Variants in GPC5 observed in about 807,000 individuals in gnomAD.
GPC5 encodes the protein glypican-5.
GPC5 carries 47 observed loss-of-function variants against 53.9 expected under a neutral mutation model. The observed-to-expected ratio is 0.87, with a 90% CI of 0.69 to 1.11. The LOEUF (loss-of-function observed/expected upper bound fraction) is 1.11. GPC5 is among the 50% of genes most tolerant of loss of function. The pLI, the probability that GPC5 is intolerant of heterozygous loss-of-function variation, is 0.00. For synonymous variants in GPC5, 286 were observed against 263.3 expected (o/e 1.09, Z -0.84); for missense variants, 748 against 713.1 (o/e 1.05, Z -0.56).
chr13:92,057,021 G>A (rs2041080303), intron 6 of GPC5, among the ~76,000 whole-genome samples: 1 of 152,162 alleles, frequency 6.6e-6, no homozygotes, highest in Non-Finnish European at 1.5e-5. Context: ...TCTTTCCCAT[G>A]CCTCTCATTG....
At chr13:92,344,387 T>A (rs1222626858) in intron 7 of GPC5, among the ~76,000 whole-genome samples, 1 of 152,058 alleles carries the variant, frequency 6.6e-6, no homozygotes, top group East Asian at 1.9e-4. Flanking sequence ...GAACTGCAAG[T>A]CAAGATGAGA....
chr13:92,041,586 C>T (rs1237483105), intron 6 of GPC5, among the ~76,000 whole-genome samples: 8 of 152,128 alleles, frequency 5.3e-5, no homozygotes. Flanking sequence ...ACTGCCTGCC[C>T]CCCTAAAGCT....
chr13:91,556,262 T>C (rs2030941853), intron 2 of GPC5, among the ~76,000 whole-genome samples: 1 of 152,054 alleles, frequency 6.6e-6, no homozygotes. Context: ...AGTTTATTCA[T>C]TTCTATTGTT....
Position 91,527,716 on chromosome 13 carries a change from C to G in GPC5, c.325+78794C>G, listed in dbSNP as rs184114296. Among the ~76,000 whole-genome samples the G allele has an allele frequency of 1.7e-3, 265 of 152,380 alleles. 1 individual carries two copies. The highest frequency in any genetic ancestry group is 1.0e-3 in the Non-Finnish European group (68 of 68,040). On this transcript the variant is annotated intron_variant, in intron 2 of 7. Coordinates refer to ENST00000377067, the MANE Select transcript of GPC5 (RefSeq NM_004466.6). Reference sequence around the variant, plus strand: ...AGGGCTCTGCCCCTGCAGCAGACTTCTGTCTGGACATCCAGGCATTTCCAT... The same window carrying G: ...AGGGCTCTGCCCCTGCAGCAGACTTGTGTCTGGACATCCAGGCATTTCCAT...
rs1013536525 is a variant in GPC5 at position 92,008,114 on chromosome 13, G to C, written c.1401+100057G>C. On this transcript the variant is annotated intron_variant, in intron 6 of 7. Coordinates refer to ENST00000377067, the MANE Select transcript of GPC5 (RefSeq NM_004466.6). Reference sequence around the variant, plus strand: ...GTCTCGCTCTGTCGCCCAGGCTGGAGTGCAGTGGCGCAATCTCGGCTCACT... The same window carrying C: ...GTCTCGCTCTGTCGCCCAGGCTGGACTGCAGTGGCGCAATCTCGGCTCACT... Among the ~76,000 whole-genome samples, 4 of 147,188 alleles carry C rather than the reference G, an allele frequency of 2.7e-5. No individual in the cohort carries two copies. The South Asian group carries it at 6.4e-4, about 24-fold the overall frequency.
chr13:92,818,753 G>A (rs552635999), intron 7 of GPC5, among the ~76,000 whole-genome samples: 3 of 152,022 alleles, frequency 2.0e-5, no homozygotes, highest in African/African-American at 7.3e-5. Context: ...GGTATTTGAT[G>A]AATAATAGAG....
At chr13:92,026,827 A>G (rs964195486) in intron 6 of GPC5, among the ~76,000 whole-genome samples, 1 of 152,182 alleles carries the variant, frequency 6.6e-6, no homozygotes, top group Admixed American at 6.5e-5. Flanking sequence ...CTCTGTGTCC[A>G]TAACAAAGAT....
chr13:92,346,111 T>C (rs2043409580), intron 7 of GPC5, among the ~76,000 whole-genome samples: 1 of 152,172 alleles, frequency 6.6e-6, no homozygotes, highest in South Asian at 2.1e-4. Context: ...GTATAGAGGC[T>C]AGACCTGCTT....
intron 7 of GPC5, among the ~76,000 whole-genome samples, chr13:92,359,310 C>T (rs12854568): frequency 0.01 from 1,541 of 151,742 alleles, 31 homozygotes; most frequent in Middle Eastern, 0.045. Context: ...TCCTCACCTC[C>T]GTCTGAGACT....
At chr13:92,193,934 C>T (rs1020872360) in intron 7 of GPC5, among the ~76,000 whole-genome samples, 1 of 152,148 alleles carries the variant, frequency 6.6e-6, no homozygotes, top group Non-Finnish European at 1.5e-5. Flanking sequence ...CAACTATATA[C>T]ATTTTAAGGG....
chr13:92,705,546 T>C (rs7338330), intron 7 of GPC5, among the ~76,000 whole-genome samples: 7,958 of 152,176 alleles, frequency 0.052, 589 homozygotes, highest in East Asian at 0.33. Context: ...ATCTCATCAA[T>C]AATTTCTTTC....
intron 6 of GPC5, among the ~76,000 whole-genome samples, chr13:91,978,413 A>T (rs2040327009): frequency 6.6e-6 from 1 of 152,254 alleles, no homozygotes; most frequent in Non-Finnish European, 1.5e-5. Flanking sequence ...GCAGAGGTAG[A>T]TAAACCAACC....
chr13:92,382,161 A>G (rs1026152572), intron 7 of GPC5, among the ~76,000 whole-genome samples: 6 of 151,794 alleles, frequency 4.0e-5, no homozygotes, highest in African/African-American at 1.2e-4. Flanking sequence ...GTGGAAGCTA[A>G]GCTATGAGGA....
chr13:91,878,289 C>T (rs116257557), intron 5 of GPC5, among the ~76,000 whole-genome samples: 1,723 of 152,146 alleles, frequency 0.011, 16 homozygotes, highest in African/African-American at 0.024. Flanking sequence ...ATTTGCTCTC[C>T]TACATATCTC....
intron 2 of GPC5, among the ~76,000 whole-genome samples, chr13:91,471,455 T>C (rs1349899593): frequency 3.3e-5 from 5 of 152,186 alleles, no homozygotes; most frequent in Admixed American, 2.0e-4. Flanking sequence ...TTCACTCTGG[T>C]TTATTTAACG....
At chr13:92,641,277 A>G (rs1415316938) in intron 7 of GPC5, among the ~76,000 whole-genome samples, 2 of 152,166 alleles carry the variant, frequency 1.3e-5, no homozygotes, top group Non-Finnish European at 2.9e-5. Context: ...AGGACACCAC[A>G]TCACTGCTGC....
chr13:92,026,832 A>T (rs1387252177), intron 6 of GPC5, among the ~76,000 whole-genome samples: 1 of 152,174 alleles, frequency 6.6e-6, no homozygotes, highest in East Asian at 1.9e-4. Flanking sequence ...TGTCCATAAC[A>T]AAGATTCCTT....
chr13:91,693,094 T>G, intron 2 of GPC5, 93 bp from the exon 3 acceptor site: 1 of 870,786 alleles, frequency 1.1e-6, no homozygotes, highest in Non-Finnish European at 1.8e-6. Flanking sequence ...ATACTTAGAT[T>G]AGTTTTGATG....
chr13:92,147,240 A>T (rs184198642), intron 7 of GPC5, among the ~76,000 whole-genome samples: 1 of 152,034 alleles, frequency 6.6e-6, no homozygotes, highest in African/African-American at 2.4e-5. Flanking sequence ...TGTATTTAGG[A>T]ATTATAACAC....
Sources: allele counts gnomAD v4.1 joint callset (sites outside exome capture counted in the v4.1 genomes callset), GRCh38; gene constraint gnomAD v4.1.1; transcripts MANE v1.5; gene names NCBI Gene and HGNC (gene_info 2026-07-23, HGNC 2026-07-21).